The following DPP10 variants were observed in gnomAD, a reference collection of about 807,000 sequenced individuals.
The protein encoded by DPP10 is inactive dipeptidyl peptidase 10.
In DPP10, 33 loss-of-function variants were observed where a neutral mutation model predicts 120.9. That is an observed-to-expected ratio of 0.27 (90% CI 0.21 to 0.37). The LOEUF is 0.37. DPP10 is among the 10% of genes least tolerant of loss of function. The pLI is 1.00. For synonymous variants in DPP10, 337 were observed against 326.1 expected (o/e 1.03, Z -0.36); for missense variants, 816 against 942.8 (o/e 0.87, Z 1.76).
At chr2:115,516,177 C>A (rs1206747682) in intron 4 of DPP10, among the ~76,000 whole-genome samples, 1 of 152,054 alleles carries the variant, frequency 6.6e-6, no homozygotes, top group African/African-American at 2.4e-5. Context: ...TGCAGATGTT[C>A]TTGGGAGACA....
intron 1 of DPP10, among the ~76,000 whole-genome samples, chr2:114,951,757 G>A (rs1697802825): frequency 6.6e-6 from 1 of 151,904 alleles, no homozygotes; most frequent in Admixed American, 6.6e-5. Context: ...AAATGTTTTA[G>A]CACTCTTAAC....
chr2:115,161,885 A>G, intron 1 of DPP10: 1 of 1,338,092 alleles, frequency 7.5e-7, no homozygotes, highest in South Asian at 1.5e-5. Flanking sequence ...GTGACCTGCG[A>G]ACGCTGCCAA....
At chr2:115,507,489 C>T (rs891759864) in intron 4 of DPP10, among the ~76,000 whole-genome samples, 6 of 152,200 alleles carry the variant, frequency 3.9e-5, no homozygotes, top group Admixed American at 1.3e-4. Flanking sequence ...AGGCTCACTA[C>T]GGAGATAACA....
intron 3 of DPP10, among the ~76,000 whole-genome samples, chr2:115,381,389 G>T (rs536886370): frequency 7.1e-4 from 108 of 152,152 alleles, no homozygotes; most frequent in African/African-American, 2.4e-3. Flanking sequence ...CTCCAGCCTT[G>T]GTTTTCAGCT....
At chr2:115,715,655 GA>G (rs1318701573) in intron 7 of DPP10, among the ~76,000 whole-genome samples, 1 of 152,210 alleles carries the variant, frequency 6.6e-6, no homozygotes, top group Non-Finnish European at 1.5e-5. Flanking sequence ...GGACTGCAGT[GA>G]AACTGTAGAG....
At chr2:115,036,966 G>A (rs1396900107) in intron 1 of DPP10, among the ~76,000 whole-genome samples, 1 of 152,088 alleles carries the variant, frequency 6.6e-6, no homozygotes, top group East Asian at 1.9e-4. Context: ...GGAGGACCAG[G>A]TGACTTTTTT....
chr2:114,932,946 A>T (rs1008104813), intron 1 of DPP10, among the ~76,000 whole-genome samples: 1 of 152,180 alleles, frequency 6.6e-6, no homozygotes. Flanking sequence ...GGCCTTATCT[A>T]TCTTTAAGTG....
intron 3 of DPP10, among the ~76,000 whole-genome samples, chr2:115,385,114 C>A (rs2066820665): frequency 6.6e-6 from 1 of 152,186 alleles, no homozygotes; most frequent in Non-Finnish European, 1.5e-5. Flanking sequence ...ACCTCTTGTT[C>A]TCCCCATTCT....
At chr2:114,632,612 A>G (rs962528413) in intron 1 of DPP10, among the ~76,000 whole-genome samples, 1 of 139,482 alleles carries the variant, frequency 7.2e-6, no homozygotes, top group Non-Finnish European at 1.5e-5. Context: ...TCCTGGGTTC[A>G]TGCCATTCTC....
intron 1 of DPP10, among the ~76,000 whole-genome samples, chr2:114,504,627 T>C (rs922533696): frequency 1.3e-5 from 2 of 152,204 alleles, no homozygotes; most frequent in African/African-American, 4.8e-5. Flanking sequence ...CTTGCATTCA[T>C]TGAGACTCCA....
intron 1 of DPP10, among the ~76,000 whole-genome samples, chr2:114,881,212 T>C (rs1691575373): frequency 6.6e-6 from 1 of 152,148 alleles, no homozygotes; most frequent in Non-Finnish European, 1.5e-5. Flanking sequence ...CTCTTGATAA[T>C]GGGTGATGTG....
chr2:114,621,644 A>C (rs1694100339), intron 1 of DPP10, among the ~76,000 whole-genome samples: 1 of 150,870 alleles, frequency 6.6e-6, no homozygotes, highest in Non-Finnish European at 1.5e-5. Flanking sequence ...TTCAAAAGGC[A>C]CTCCGAGCAC....
At chr2:114,665,871 G>C (rs923364248) in intron 1 of DPP10, among the ~76,000 whole-genome samples, 3 of 152,152 alleles carry the variant, frequency 2.0e-5, no homozygotes, top group African/African-American at 7.2e-5. Context: ...GGTCTGGGAT[G>C]GTTAGTTTTG....
intron 12 of DPP10, among the ~76,000 whole-genome samples, chr2:115,766,306 G>GTA (rs1559128090): frequency 1.8e-4 from 12 of 65,096 alleles, no homozygotes; most frequent in African/African-American, 5.4e-4. Context: ...GTGTGTGTGT[G>GTA]TGTGTATATA....
intron 4 of DPP10, among the ~76,000 whole-genome samples, chr2:115,517,122 A>AT (rs2077547319): frequency 6.6e-6 from 1 of 152,122 alleles, no homozygotes; most frequent in Non-Finnish European, 1.5e-5. Flanking sequence ...GGTATATACC[A>AT]TAAGGAAGCA....
intron 1 of DPP10, among the ~76,000 whole-genome samples, chr2:115,105,324 C>A (rs1311825086): frequency 1.3e-5 from 2 of 152,032 alleles, no homozygotes; most frequent in African/African-American, 4.8e-5. Context: ...GTTCTGCAAG[C>A]TGTCCAAGAA....
chr2:115,103,479 C>T (rs952905287), intron 1 of DPP10, among the ~76,000 whole-genome samples: 3 of 152,170 alleles, frequency 2.0e-5, no homozygotes, highest in South Asian at 2.1e-4. Flanking sequence ...TGGGCAACCA[C>T]GCCTGGCCTC....
intron 1 of DPP10, among the ~76,000 whole-genome samples, chr2:115,125,896 A>G (rs1270817633): frequency 6.6e-6 from 1 of 152,158 alleles, no homozygotes; most frequent in Non-Finnish European, 1.5e-5. Context: ...ATACCTTTTT[A>G]AACATGTATT....
At chr2:114,792,872 A>T (rs1683368166) in intron 1 of DPP10, among the ~76,000 whole-genome samples, 1 of 152,138 alleles carries the variant, frequency 6.6e-6, no homozygotes, top group Non-Finnish European at 1.5e-5. Flanking sequence ...ACTTCATTCC[A>T]TGTGACTTCT....
Sources: allele counts gnomAD v4.1 joint callset (sites outside exome capture counted in the v4.1 genomes callset), GRCh38; gene constraint gnomAD v4.1.1; transcripts MANE v1.5; gene names NCBI Gene and HGNC (gene_info 2026-07-23, HGNC 2026-07-21).